The following ZC3H12D variants were observed in gnomAD, a reference collection of about 807,000 sequenced individuals.
ZC3H12D encodes zinc finger CCCH-type containing 12D.
In ZC3H12D, 11 loss-of-function variants were observed where a neutral mutation model predicts 24.2. The ratio of observed to expected loss-of-function variants is 0.46; its 90% CI spans 0.29 to 0.75. ZC3H12D has a LOEUF of 0.75. Ranked by LOEUF, ZC3H12D falls within the 30% of genes least tolerant of loss-of-function variation. The pLI is 0.11. For missense variants in ZC3H12D, 740 were observed against 767.7 expected (o/e 0.96, Z 0.43); for synonymous variants, 333 against 341.8 (o/e 0.97, Z 0.28).
chr6:149,453,859 A>T (rs1433420440), intron 4 of ZC3H12D, among the ~76,000 whole-genome samples: 1 of 152,096 alleles, frequency 6.6e-6, no homozygotes, highest in East Asian at 1.9e-4. Context: ...ACAGAGCTAG[A>T]CTCTATCATC....
intron 2 of ZC3H12D, among the ~76,000 whole-genome samples, chr6:149,465,093 C>A (rs1268066881): frequency 3.3e-5 from 5 of 152,230 alleles, no homozygotes; most frequent in African/African-American, 1.2e-4. Flanking sequence ...GTGGCTCATG[C>A]CTGTAATCCC....
Position 149,456,627 on chromosome 6 carries a change from C to CCCCCCCCCCCCCGGGGGGGGGG in ZC3H12D, c.680+38_680+39insCCCCCCCCCCGGGGGGGGGGGG. ...CTGCCTCGACCCCGGCCCCCCGCCC[C>CCCCCCCCCCCCCGGGGGGGGGG]GCCGCCCCCCAGGGTGTCAGGACCC... On this transcript the variant is annotated intron_variant, in intron 4 of 5. Transcript: ENST00000409806. This position sits in a 1 kb window ranked among gnomAD's most constrained non-coding sequence, Gnocchi z 4.3. 7.1e-7 allele frequency: 1 copy of CCCCCCCCCCCCCGGGGGGGGGG among 1,403,090 alleles called. No individual in the cohort carries two copies. Among genetic ancestry groups the CCCCCCCCCCCCCGGGGGGGGGG allele is most frequent in the Non-Finnish European group, 1.0e-6 (1 of 997,692 alleles). The allele number at this position is 1,403,090 out of a possible 1,614,324, so 86.9% of individuals were successfully genotyped here.
At chr6:149,453,252 A>G (rs1206923218) in intron 4 of ZC3H12D, among the ~76,000 whole-genome samples, 1 of 150,982 alleles carries the variant, frequency 6.6e-6, no homozygotes, top group Non-Finnish European at 1.5e-5. Flanking sequence ...GTGAGTCATG[A>G]TTGTGCCACT....
At position 149,461,931 on chromosome 6, in the gene ZC3H12D, C is replaced by G. The variant is rs1311334672; in HGVS notation, c.345G>C (p.Lys115Asn). ...TGTCCCTGAACCAGTCAACAGCCAG[C>G]TTGATTCCCCGGCAAGAGAAGGTTT... is the stretch of plus-strand genomic sequence containing the variant. ...NKETFSCRGI[K>N]LAVDWFRDRG... Residue 115 changes from lysine to asparagine, a missense_variant, in exon 3 of 6, where the codon AAG (lysine) becomes AAC (asparagine). Physicochemically the swap from Lys to Asn is moderately conservative, Grantham distance 94 (BLOSUM62 0). Transcript: ENST00000409806. 3 of 1,612,038 alleles carry G rather than the reference C, an allele frequency of 1.9e-6. No homozygotes were observed. Among genetic ancestry groups the G allele is most frequent in the Admixed American group, 3.3e-5 (2 of 59,770 alleles).
chr6:149,459,068 A>C (rs964733129), intron 3 of ZC3H12D, among the ~76,000 whole-genome samples: 1 of 149,948 alleles, frequency 6.7e-6, no homozygotes. Flanking sequence ...TTGTCTTTCC[A>C]CTTTTTTGTT....
Position 149,452,835 on chromosome 6 carries a change from G to A in ZC3H12D, c.681-113C>T. ...GAACACCAGGAAGCATTCGGCCCCG[G>A]GCCCACCATCACCCAGCAGGATGTC... On this transcript the variant is annotated intron_variant, in intron 4 of 5. Coordinates refer to ENST00000409806, the MANE Select transcript of ZC3H12D (RefSeq NM_207360.3). This position sits in a 1 kb window ranked among gnomAD's most constrained non-coding sequence, Gnocchi z 4.0. The A allele has an allele frequency of 2.2e-6, 2 of 899,930 alleles. No individual in the cohort carries two copies. The highest frequency in any genetic ancestry group is 3.4e-6 in the Non-Finnish European group (2 of 579,954). The allele number at this position is 899,930 out of a possible 1,614,324, so 55.7% of individuals were successfully genotyped here.
rs1775890263 is a variant in ZC3H12D, at chr6:149,451,305, G to A, written c.962C>T (p.Ala321Val). 1.1e-5 allele frequency: 14 copies of A among 1,327,326 alleles called. No homozygotes were observed. In the Admixed American group the frequency reaches 3.3e-4, roughly 32 times the overall value. 82.2% of individuals were successfully genotyped at this position (1,327,326 alleles called of 1,614,324 possible). Residue 321 changes from alanine to valine, a missense_variant, in exon 6 of 6, where the codon GCC becomes GTC. Ala to Val is a moderately conservative substitution (Grantham distance 64). Transcript: ENST00000409806. ...GCTGTGCGCAAATGGTTCCCGGGGG[G>A]CCGCCCGGGCTCCTGCGGAGCCGCC... ...APGGSAGARA[A>V]PREPFAHSLP...
chr6:149,480,740 A>C (rs28695440), intron 1 of ZC3H12D, among the ~76,000 whole-genome samples: 89 of 136,862 alleles, frequency 6.5e-4, no homozygotes, highest in African/African-American at 2.9e-3. Context: ...CTGTCTCAAA[A>C]AAAACAAAAA....
intron 5 of ZC3H12D, among the ~76,000 whole-genome samples, chr6:149,451,764 G>T (rs1775901168): frequency 6.6e-6 from 1 of 152,234 alleles, no homozygotes. Flanking sequence ...GTCGTTCCCA[G>T]GTCCCTTTGA....
intron 1 of ZC3H12D, among the ~76,000 whole-genome samples, chr6:149,478,462 T>C (rs1776375772): frequency 6.6e-6 from 1 of 152,180 alleles, no homozygotes; most frequent in African/African-American, 2.4e-5. Flanking sequence ...GTATAATTGG[T>C]TTATTATTAT....
chr6:149,452,671 G>A lies in ZC3H12D; in HGVS notation c.732C>T (p.Asn244=). The A allele has an allele frequency of 6.2e-7, 1 of 1,608,760 alleles. No individual in the cohort carries two copies. Among genetic ancestry groups the A allele is most frequent in the South Asian group, 1.1e-5 (1 of 89,928 alleles). The change falls in exon 5 of 6, where the codon AAC becomes AAT. Residue 244 remains asparagine (N), a synonymous_variant. Coordinates refer to ENST00000409806, the MANE Select transcript of ZC3H12D (RefSeq NM_207360.3). This position sits in a 1 kb window ranked among gnomAD's most constrained non-coding sequence, Gnocchi z 4.0. ...GGGGCTTCGGCTTCCTGCTCAGGAA[G>A]TTGCTCAGGGAGGGTCCATGGCGGC... is the stretch of plus-strand genomic sequence containing the variant. ...PLGRHGPSLS[N]FLSRKPKPPE... is the part of the protein sequence containing the mutation.
In ZC3H12D at chr6:149,450,870, G is replaced by C; in HGVS notation, c.1397C>G (p.Ser466Ter). The C allele has an allele frequency of 6.5e-7, 1 of 1,542,634 alleles. No homozygotes were observed. The highest frequency in any genetic ancestry group is 8.7e-7 in the Non-Finnish European group (1 of 1,146,650). The change falls in exon 6 of 6, where the codon TCA becomes TGA. Residue 466 changes from serine to a stop codon, truncating the protein, a stop_gained. Coordinates refer to ENST00000409806, the MANE Select transcript of ZC3H12D (RefSeq NM_207360.3). LOFTEE classifies it low-confidence loss of function (END_TRUNC). The part of the protein sequence containing the change: ...AWGDGATGGL[S>*]VYATEDDEGD... Reference sequence around the variant, plus strand: ...CTCGTCGTCCTCGGTCGCGTACACTGAAAGTCCCCCAGTGGCGCCGTCGCC... The same window carrying C: ...CTCGTCGTCCTCGGTCGCGTACACTCAAAGTCCCCCAGTGGCGCCGTCGCC...
chr6:149,463,582 G>A (rs745696827), intron 2 of ZC3H12D, among the ~76,000 whole-genome samples: 9 of 152,196 alleles, frequency 5.9e-5, no homozygotes, highest in Admixed American at 2.0e-4. Flanking sequence ...GGTGGCGCAT[G>A]CCTATAATCC....
At position 149,482,335 on chromosome 6, in the gene ZC3H12D, C is replaced by T. The variant is rs776979828; in HGVS notation, c.-71+2478G>A. 1.0e-3 allele frequency among the ~76,000 whole-genome samples: 158 copies of T among 152,260 alleles called. 3 individuals are homozygous for T. Among genetic ancestry groups the T allele is most frequent in the Non-Finnish European group, 2.6e-4 (18 of 68,042 alleles). On this transcript the variant is annotated intron_variant, in intron 1 of 5. Transcript: ENST00000409806. Reference sequence around the variant, plus strand: ...TGATGGTCTCTGAGCTGCAGCTCTGCCAGCCGCGTCTCGTTTCCTCCTTCC... The same window carrying T: ...TGATGGTCTCTGAGCTGCAGCTCTGTCAGCCGCGTCTCGTTTCCTCCTTCC...
At chr6:149,463,253 T>C (rs761011461) in intron 2 of ZC3H12D, among the ~76,000 whole-genome samples, 1 of 152,176 alleles carries the variant, frequency 6.6e-6, no homozygotes, top group Non-Finnish European at 1.5e-5. Flanking sequence ...TCAAATTCCA[T>C]AGAAGACTTC....
chr6:149,456,834 T>A lies in ZC3H12D; in HGVS notation c.512A>T (p.His171Leu). ...VLVYTPSRKV[H>L]GKRLVCYDDR... The stretch of plus-strand genomic sequence containing the variant: ...GTCGTAGCAGACCAGGCGCTTGCCG[T>A]GCACCTTGCGGGACGGCGTGTACAC... The change falls in exon 4 of 6, where the codon CAC becomes CTC. Residue 171 changes from histidine to leucine, a missense_variant. Coordinates refer to ENST00000409806, the MANE Select transcript of ZC3H12D (RefSeq NM_207360.3). The surrounding 1 kb of genome is among the most constrained non-coding windows in gnomAD (Gnocchi z 4.3). The A allele has an allele frequency of 1.2e-6, 2 of 1,611,542 alleles. No homozygotes were observed. Among genetic ancestry groups the A allele is most frequent in the Non-Finnish European group, 1.7e-6 (2 of 1,179,748 alleles).
At chr6:149,465,728 C>T (rs786757) in intron 2 of ZC3H12D, among the ~76,000 whole-genome samples, 53,861 of 147,694 alleles carry the variant, frequency 0.36, 10,312 homozygotes, top group African/African-American at 0.46. Context: ...GCACTCCAGC[C>T]TGGGCGACAG....
intron 2 of ZC3H12D, among the ~76,000 whole-genome samples, chr6:149,473,324 G>T (rs1776275970): frequency 6.6e-6 from 1 of 152,194 alleles, no homozygotes; most frequent in South Asian, 2.1e-4. Flanking sequence ...TGCTTTTCTG[G>T]ATTCCCACCT....
intron 2 of ZC3H12D, among the ~76,000 whole-genome samples, chr6:149,473,656 A>C (rs1297515888): frequency 6.6e-6 from 1 of 152,142 alleles, no homozygotes; most frequent in Non-Finnish European, 1.5e-5. Context: ...AATCTCTCAA[A>C]CTTAAGGTAG....
Sources: allele counts gnomAD v4.1 joint callset (sites outside exome capture counted in the v4.1 genomes callset), GRCh38; gene constraint gnomAD v4.1.1; non-coding constraint Gnocchi (gnomAD v3.1); transcripts MANE v1.5; gene names NCBI Gene and HGNC (gene_info 2026-07-23, HGNC 2026-07-21).